Variants in MAGI3 observed in about 807,000 individuals in gnomAD.
MAGI3 encodes the protein membrane-associated guanylate kinase, WW and PDZ domain-containing protein 3.
In MAGI3, 43 loss-of-function variants were observed where a neutral mutation model predicts 121.8. That is an observed-to-expected ratio of 0.35 (90% CI 0.28 to 0.46). MAGI3 has a LOEUF of 0.46. Among genes scored for constraint, MAGI3 ranks in the 20% least tolerant of loss-of-function variants. The pLI is 1.00. For missense variants in MAGI3, 1,547 were observed against 1,797.3 expected, an observed-to-expected ratio of 0.86 and a Z score of 2.52; for synonymous variants, 553 against 639.3, an observed-to-expected ratio of 0.86 and a Z score of 2.04.
intron 9 of MAGI3, among the ~76,000 whole-genome samples, chr1:113,628,697 G>GTTTTTT (rs1651404875): frequency 2.6e-5 from 4 of 152,222 alleles, no homozygotes; most frequent in South Asian, 4.1e-4. Context: ...CTATTATAGA[G>GTTTTTT]TAAAAGGTTT....
intron 1 of MAGI3, among the ~76,000 whole-genome samples, chr1:113,465,134 G>C (rs1655218234): frequency 2.0e-5 from 3 of 151,918 alleles, no homozygotes; most frequent in Admixed American, 2.0e-4. Context: ...AGTTGTTCGA[G>C]GTCTTAGATT....
intron 2 of MAGI3, among the ~76,000 whole-genome samples, chr1:113,578,566 G>T (rs962258417): frequency 2.0e-5 from 3 of 151,980 alleles, no homozygotes; most frequent in Non-Finnish European, 4.4e-5. Context: ...GACTACTGGT[G>T]TGCATCACTA....
rs1465123237 is a variant in MAGI3 at position 113,674,418 on chromosome 1, T to C, written c.3189+953T>C. On this transcript the variant is annotated intron_variant, in intron 19 of 20. Transcript: ENST00000307546. ...AAAAAAAAAAAAAAAAGACATTTGC[T>C]GTCTTCAATTTAAAAAAAAAAAAAA... is the stretch of plus-strand genomic sequence containing the variant. 2.0e-5 allele frequency among the ~76,000 whole-genome samples: 3 copies of C among 150,888 alleles called. No homozygotes were observed. In the East Asian group the frequency reaches 5.8e-4, roughly 29 times the overall value.
intron 1 of MAGI3, among the ~76,000 whole-genome samples, chr1:113,543,643 G>T (rs531214157): frequency 1.3e-4 from 20 of 152,018 alleles, no homozygotes; most frequent in Admixed American, 1.2e-3. Flanking sequence ...TGAGGCAGGC[G>T]GATCACTTGA....
At chr1:113,640,831 A>G (rs985200870) in intron 9 of MAGI3, among the ~76,000 whole-genome samples, 1 of 149,596 alleles carries the variant, frequency 6.7e-6, no homozygotes, top group Non-Finnish European at 1.5e-5. Flanking sequence ...ACCATGGCAC[A>G]CTTATACCTA....
In MAGI3 at chr1:113,642,068, C is replaced by T. The variant is rs772597753; in HGVS notation, c.1518C>T (p.Asp506=). 2 of 1,613,994 alleles carry T rather than the reference C, an allele frequency of 1.2e-6. No homozygotes were observed. Among genetic ancestry groups the T allele is most frequent in the Admixed American group, 1.7e-5 (1 of 59,994 alleles). The change falls in exon 10 of 21, where the codon GAC becomes GAT. Residue 506 remains aspartate, a synonymous_variant. Coordinates refer to ENST00000307546, the MANE Select transcript of MAGI3 (RefSeq NM_001142782.2). ...ATGACAGTGAAGATCCTGTTGTGGA[C>T]ATTGTTGCTGCTACCCCTGTCATCA... ...LPDDSEDPVV[D]IVAATPVING...
At chr1:113,579,620 G>A (rs1647881104) in intron 2 of MAGI3, among the ~76,000 whole-genome samples, 1 of 152,138 alleles carries the variant, frequency 6.6e-6, no homozygotes, top group South Asian at 2.1e-4. Context: ...TAGGAGGAGT[G>A]TAGCTGGGAA....
intron 1 of MAGI3, among the ~76,000 whole-genome samples, chr1:113,392,570 T>C (rs981471017): frequency 6.6e-6 from 1 of 152,246 alleles, no homozygotes; most frequent in Non-Finnish European, 1.5e-5. Flanking sequence ...TATGTCTGTG[T>C]ATTGTGGATA....
intron 1 of MAGI3, among the ~76,000 whole-genome samples, chr1:113,524,103 C>CAT (rs1658337209): frequency 6.6e-6 from 1 of 152,138 alleles, no homozygotes; most frequent in African/African-American, 2.4e-5. Flanking sequence ...CCTGCAGGTG[C>CAT]ATAGAAGTCA....
chr1:113,558,196 A>G (rs1448417357), intron 2 of MAGI3, among the ~76,000 whole-genome samples: 1 of 152,230 alleles, frequency 6.6e-6, no homozygotes, highest in African/African-American at 2.4e-5. Flanking sequence ...AGGTCTCAGA[A>G]CCAGGCTAAG....
chr1:113,473,553 A>G (rs992901200), intron 1 of MAGI3, among the ~76,000 whole-genome samples: 3 of 151,960 alleles, frequency 2.0e-5, no homozygotes, highest in Non-Finnish European at 4.4e-5. Context: ...GCTGAGAATG[A>G]TGGTTTCCAG....
At chr1:113,492,207 G>T (rs180767984) in intron 1 of MAGI3, among the ~76,000 whole-genome samples, 237 of 152,296 alleles carry the variant, frequency 1.6e-3, no homozygotes, top group Admixed American at 3.3e-3. Context: ...TGCAAGGTTG[G>T]TGTAACATAT....
Position 113,674,158 on chromosome 1 carries a change from G to A in MAGI3, c.3189+693G>A, listed in dbSNP as rs1004509020. Among the ~76,000 whole-genome samples, 32 of 152,288 alleles carry A rather than the reference G, an allele frequency of 2.1e-4. No individual in the cohort carries two copies. The Middle Eastern group carries it at 0.014, about 65-fold the overall frequency. ...TGTAATCCCAGCACTTTGGGAGGCC[G>A]AGGTGGGCAGATCGCCTGAGGTCGG... On this transcript the variant is annotated intron_variant, in intron 19 of 20. Transcript: ENST00000307546.
rs149440436 is a variant in MAGI3, at chr1:113,548,382, T to C, written c.317-1133T>C. Among the ~76,000 whole-genome samples the C allele has an allele frequency of 8.5e-5, 13 of 152,350 alleles. No individual in the cohort carries two copies. The East Asian group carries it at 2.3e-3, about 27-fold the overall frequency. ...CTGCTTAATATTTCTTTGAGAGCCC[T>C]TATATCTCTCTATTTATTTCCCATT... On this transcript the variant is annotated intron_variant, in intron 1 of 20. Transcript: ENST00000307546.
chr1:113,647,934 TC>T (rs5777163), intron 12 of MAGI3, among the ~76,000 whole-genome samples: 106,819 of 146,840 alleles, frequency 0.73, 38,872 homozygotes, highest in African/African-American at 0.79. Flanking sequence ...TTTTTTTTTT[TC>T]CCCTGAGACA....
chr1:113,487,129 T>C (rs925849805), intron 1 of MAGI3, among the ~76,000 whole-genome samples: 1 of 152,222 alleles, frequency 6.6e-6, no homozygotes, highest in Non-Finnish European at 1.5e-5. Flanking sequence ...TGTAACATTG[T>C]ATTGGGTGCT....
At chr1:113,644,172 C>A (rs369528780) in intron 11 of MAGI3, among the ~76,000 whole-genome samples, 1 of 152,112 alleles carries the variant, frequency 6.6e-6, no homozygotes, top group Non-Finnish European at 1.5e-5. Context: ...GAAGAGAAGA[C>A]GTACTAGTTC....
intron 2 of MAGI3, among the ~76,000 whole-genome samples, chr1:113,577,584 T>A (rs1432922482): frequency 3.3e-5 from 5 of 152,090 alleles, no homozygotes; most frequent in African/African-American, 1.2e-4. Context: ...GGAAGATAAC[T>A]TTATGTGTAT....
chr1:113,414,914 TAA>T (rs913150689), intron 1 of MAGI3, among the ~76,000 whole-genome samples: 10 of 152,096 alleles, frequency 6.6e-5, no homozygotes, highest in African/African-American at 2.4e-4. Context: ...CTGGATATTA[TAA>T]AAGACTTTAG....
Sources: allele counts gnomAD v4.1 joint callset (sites outside exome capture counted in the v4.1 genomes callset), GRCh38; gene constraint gnomAD v4.1.1; transcripts MANE v1.5; gene names NCBI Gene and HGNC (gene_info 2026-07-23, HGNC 2026-07-21).